RAD51B: variants seen among roughly 807,000 people sequenced by gnomAD.
RAD51B encodes DNA repair protein RAD51 homolog 2.
Under a neutral mutation model 42.2 loss-of-function variants are expected in RAD51B, and 38 were observed. The ratio of observed to expected loss-of-function variants is 0.90; its 90% CI spans 0.70 to 1.18. The LOEUF (loss-of-function observed/expected upper bound fraction) is 1.18, where lower values mean the gene tolerates loss of function less well. Among genes scored for constraint, RAD51B ranks in the 50% most tolerant of loss-of-function variants. RAD51B has a pLI of 0.00. For synonymous variants in RAD51B, 154 were observed against 145.2 expected (o/e 1.06, Z -0.43); for missense variants, 373 against 400.7 (o/e 0.93, Z 0.59).
At chr14:68,322,776 A>C (rs1014436643) in intron 8 of RAD51B, among the ~76,000 whole-genome samples, 2 of 152,174 alleles carry the variant, frequency 1.3e-5, no homozygotes, top group Non-Finnish European at 2.9e-5. Context: ...GCCTGGGTAG[A>C]GATAGCCACC....
intron 4 of RAD51B, among the ~76,000 whole-genome samples, chr14:67,846,260 G>A (rs1280200356): frequency 6.6e-6 from 1 of 152,186 alleles, no homozygotes; most frequent in African/African-American, 2.4e-5. Context: ...GGCAGGTACA[G>A]GGCTGCCAGT....
intron 8 of RAD51B, among the ~76,000 whole-genome samples, chr14:68,375,254 C>G (rs1396340956): frequency 6.6e-6 from 1 of 151,996 alleles, no homozygotes; most frequent in African/African-American, 2.4e-5. Context: ...CCTCCTTCCC[C>G]GCTCTCAGCT....
intron 7 of RAD51B, among the ~76,000 whole-genome samples, chr14:68,067,301 T>C (rs575002105): frequency 6.6e-6 from 1 of 151,550 alleles, no homozygotes; most frequent in African/African-American, 2.4e-5. Context: ...CATTTTCTAC[T>C]AAAAATATAA....
At chr14:68,654,178 T>C (rs1055343729) in intron 11 of RAD51B, among the ~76,000 whole-genome samples, 12 of 152,244 alleles carry the variant, frequency 7.9e-5, no homozygotes, top group Admixed American at 3.3e-4. Flanking sequence ...AAGCTCTTTC[T>C]GAGGCAGAAC....
At chr14:68,314,186 A>C (rs571301720) in intron 8 of RAD51B, among the ~76,000 whole-genome samples, 6 of 152,312 alleles carry the variant, frequency 3.9e-5, no homozygotes, top group Non-Finnish European at 7.3e-5. Flanking sequence ...GTTCGCTATC[A>C]TCGCCCTGCC....
At chr14:67,824,354 T>TC (rs2140275846) in intron 2 of RAD51B, among the ~76,000 whole-genome samples, 1 of 152,250 alleles carries the variant, frequency 6.6e-6, no homozygotes, top group East Asian at 1.9e-4. Context: ...TCCTCCCCGG[T>TC]TCAAGTGATT....
At chr14:68,009,324 T>G (rs1042117068) in intron 7 of RAD51B, among the ~76,000 whole-genome samples, 4 of 151,914 alleles carry the variant, frequency 2.6e-5, no homozygotes, top group African/African-American at 7.2e-5. Context: ...CTTTGTGGGT[T>G]TAAATACCTG....
intron 5 of RAD51B, among the ~76,000 whole-genome samples, chr14:67,869,149 G>T (rs2042433822): frequency 6.6e-6 from 1 of 152,080 alleles, no homozygotes; most frequent in African/African-American, 2.4e-5. Flanking sequence ...AGCTACGGGA[G>T]GACATTCAAA....
At chr14:67,961,029 A>G (rs966685509) in intron 7 of RAD51B, among the ~76,000 whole-genome samples, 2 of 152,022 alleles carry the variant, frequency 1.3e-5, no homozygotes, top group East Asian at 3.9e-4. Flanking sequence ...TTTATTCAAG[A>G]CAGGGCCTCA....
intron 6 of RAD51B, 76 bp downstream of exon 6, chr14:67,886,064 AGTG>A: frequency 8.1e-7 from 1 of 1,236,806 alleles, no homozygotes; most frequent in Non-Finnish European, 1.1e-6. Flanking sequence ...TCAGCTTCTA[AGTG>A]AAAAAAGTCT....
At chr14:68,389,012 A>C (rs1255482118) in intron 8 of RAD51B, among the ~76,000 whole-genome samples, 1 of 152,182 alleles carries the variant, frequency 6.6e-6, no homozygotes, top group Non-Finnish European at 1.5e-5. Context: ...AAATGGAACT[A>C]TGGAAATATG....
At chr14:68,435,348 C>T (rs558839052) in intron 9 of RAD51B, among the ~76,000 whole-genome samples, 9 of 152,228 alleles carry the variant, frequency 5.9e-5, no homozygotes, top group South Asian at 4.1e-4. Flanking sequence ...TTGCTGCAAA[C>T]GATATGACTT....
At chr14:68,392,119 C>CTGTA (rs2083774865) in intron 8 of RAD51B, among the ~76,000 whole-genome samples, 1 of 152,170 alleles carries the variant, frequency 6.6e-6, no homozygotes, top group African/African-American at 2.4e-5. Context: ...ATGGCACCAC[C>CTGTA]TGTATAATCT....
intron 7 of RAD51B, among the ~76,000 whole-genome samples, chr14:67,953,698 A>G (rs1187758012): frequency 1.3e-5 from 2 of 152,212 alleles, no homozygotes; most frequent in Non-Finnish European, 2.9e-5. Flanking sequence ...TGGTAGACAG[A>G]ATCGGTAGAA....
intron 7 of RAD51B, among the ~76,000 whole-genome samples, chr14:68,154,928 T>A (rs190191233): frequency 1.4e-3 from 219 of 152,270 alleles, no homozygotes; most frequent in African/African-American, 5.1e-3. Flanking sequence ...AACTGAAAGA[T>A]CCATGACATT....
intron 8 of RAD51B, among the ~76,000 whole-genome samples, chr14:68,380,920 C>T (rs1287955899): frequency 6.6e-6 from 1 of 152,138 alleles, no homozygotes; most frequent in African/African-American, 2.4e-5. Context: ...ATGGGCACTT[C>T]AAATATTTTA....
chr14:68,059,947 T>A (rs2076542939), intron 7 of RAD51B, among the ~76,000 whole-genome samples: 1 of 152,200 alleles, frequency 6.6e-6, no homozygotes, highest in East Asian at 1.9e-4. Context: ...GATTTAAAAG[T>A]TTAGTATGTG....
intron 7 of RAD51B, among the ~76,000 whole-genome samples, chr14:68,208,381 A>G (rs2079637311): frequency 6.6e-6 from 1 of 152,208 alleles, no homozygotes; most frequent in African/African-American, 2.4e-5. Flanking sequence ...GACTGCTGAG[A>G]CATGCTTTCT....
chr14:67,845,512 G>T (rs899538633), intron 4 of RAD51B, among the ~76,000 whole-genome samples: 7 of 151,866 alleles, frequency 4.6e-5, no homozygotes, highest in Non-Finnish European at 1.0e-4. Flanking sequence ...TACAAAAAAT[G>T]CTAAAATTAG....
Sources: gnomAD v4.1 joint callset for allele counts (sites outside exome capture counted in the v4.1 genomes callset) on GRCh38, gnomAD v4.1.1 for gene constraint, MANE v1.5 for transcripts, NCBI Gene and HGNC (gene_info 2026-07-23, HGNC 2026-07-21) for gene names.